APBA2: variants seen among roughly 807,000 people sequenced by gnomAD.
APBA2 encodes the protein amyloid beta precursor protein binding family A member 2, also known as amyloid-beta A4 precursor protein-binding family A member 2.
APBA2 carries 30 observed loss-of-function variants against 75.0 expected under a neutral mutation model. That is an observed-to-expected ratio of 0.40 (90% CI 0.30 to 0.54). APBA2 has a LOEUF of 0.54. Among genes scored for constraint, APBA2 ranks in the 20% least tolerant of loss-of-function variants. The pLI, the probability that APBA2 is intolerant of heterozygous loss-of-function variation, is 0.49. For synonymous variants in APBA2, 444 were observed against 409.6 expected (o/e 1.08, Z -1.01); for missense variants, 801 against 1,016.1 (o/e 0.79, Z 2.88).
chr15:28,895,091 T>C (rs545662496), intron 1 of APBA2, among the ~76,000 whole-genome samples: 78 of 152,318 alleles, frequency 5.1e-4, no homozygotes, highest in African/African-American at 1.8e-3. Context: ...CCTGTTTTTC[T>C]AAAAGAACGA....
At chr15:29,027,524 C>T (rs2040279142) in intron 3 of APBA2, among the ~76,000 whole-genome samples, 1 of 151,592 alleles carries the variant, frequency 6.6e-6, no homozygotes, top group South Asian at 2.1e-4. Flanking sequence ...CTTGATTTGT[C>T]TTATGATATG....
chr15:28,963,595 C>T (rs551601102), intron 2 of APBA2, among the ~76,000 whole-genome samples: 2 of 152,316 alleles, frequency 1.3e-5, no homozygotes, highest in South Asian at 2.1e-4. Context: ...CCACTAAACA[C>T]GGGCTATGAC....
intron 2 of APBA2, among the ~76,000 whole-genome samples, chr15:28,953,212 G>A (rs2035984528): frequency 1.3e-5 from 2 of 152,002 alleles, no homozygotes; most frequent in African/African-American, 2.4e-5. Flanking sequence ...CTCTCCTCCC[G>A]AGTTGGAAAT....
intron 4 of APBA2, among the ~76,000 whole-genome samples, chr15:29,055,191 G>C (rs1469218701): frequency 2.0e-5 from 3 of 152,184 alleles, no homozygotes; most frequent in Non-Finnish European, 4.4e-5. Flanking sequence ...TCAATCCTCA[G>C]GGGTGTACTC....
chr15:28,922,996 C>A (rs2034057952), intron 2 of APBA2, among the ~76,000 whole-genome samples: 1 of 152,180 alleles, frequency 6.6e-6, no homozygotes, highest in Non-Finnish European at 1.5e-5. Context: ...CACACCACGC[C>A]CTGTGCAGGA....
intron 1 of APBA2, among the ~76,000 whole-genome samples, chr15:28,898,769 G>T (rs535447297): frequency 6.4e-4 from 98 of 152,268 alleles, no homozygotes; most frequent in Non-Finnish European, 1.2e-4. Flanking sequence ...ATGAGTCATG[G>T]CTTCTTCTAC....
At chr15:29,082,416 A>C (rs1382905615) in intron 6 of APBA2, among the ~76,000 whole-genome samples, 1 of 152,230 alleles carries the variant, frequency 6.6e-6, no homozygotes, top group Non-Finnish European at 1.5e-5. Context: ...GCAGATTACT[A>C]GTATACAATA....
intron 4 of APBA2, among the ~76,000 whole-genome samples, chr15:29,058,676 G>A (rs151265152): frequency 1.3e-5 from 2 of 152,116 alleles, no homozygotes; most frequent in African/African-American, 2.4e-5. Context: ...AGGTCTGCCC[G>A]GGGGCTGGGA....
intron 6 of APBA2, among the ~76,000 whole-genome samples, chr15:29,088,905 CTGCACCCTAGGGCCTT>C (rs1202022818): frequency 2.0e-5 from 3 of 152,218 alleles, no homozygotes; most frequent in African/African-American, 7.2e-5. Context: ...GTCATTGTCT[CTGCACCCTAGGGCCTT>C]TGCACCTGCT....
Position 29,101,581 on chromosome 15 carries a change from C to A in APBA2, c.1339-18C>A, listed in dbSNP as rs2044125670. The stretch of plus-strand genomic sequence containing the variant: ...CCCAGTAGTGTTCCCTGACGTGGCA[C>A]TGTCTCCCTCCCGACAGGAAACCAT... On this transcript the variant is annotated intron_variant, in intron 9 of 14. Coordinates refer to ENST00000683413, the MANE Select transcript of APBA2 (RefSeq NM_001353788.2). 3.7e-6 allele frequency: 6 copies of A among 1,610,730 alleles called. No homozygotes were observed. In the Admixed American group the frequency reaches 1.0e-4, roughly 27 times the overall value.
At chr15:29,025,950 CA>C (rs60211119) in intron 3 of APBA2, among the ~76,000 whole-genome samples, 51,476 of 117,176 alleles carry the variant, frequency 0.44, 14,235 homozygotes, top group African/African-American at 0.8. Context: ...GACTCCGACT[CA>C]AAAAAAAAAA....
chr15:28,962,437 C>T (rs1477372607), intron 2 of APBA2, among the ~76,000 whole-genome samples: 2 of 151,950 alleles, frequency 1.3e-5, no homozygotes, highest in East Asian at 1.9e-4. Flanking sequence ...GGCATGGTGG[C>T]GGGCGCCTGT....
chr15:28,933,475 A>G (rs1326123689), intron 2 of APBA2, among the ~76,000 whole-genome samples: 1 of 152,128 alleles, frequency 6.6e-6, no homozygotes, highest in Non-Finnish European at 1.5e-5. Flanking sequence ...TGTCATGTAT[A>G]ATCTACCCAG....
intron 3 of APBA2, among the ~76,000 whole-genome samples, chr15:29,019,660 G>A (rs1271973863): frequency 1.3e-5 from 2 of 152,220 alleles, no homozygotes; most frequent in East Asian, 1.9e-4. Flanking sequence ...GTACACACAG[G>A]TCTATCTTAG....
chr15:28,912,928 C>T (rs2152653197), intron 1 of APBA2, among the ~76,000 whole-genome samples: 1 of 152,312 alleles, frequency 6.6e-6, no homozygotes, highest in East Asian at 1.9e-4. Flanking sequence ...CAGCAAATAC[C>T]TGTTGAATAC....
intron 1 of APBA2, among the ~76,000 whole-genome samples, chr15:28,914,872 G>A (rs1248330087): frequency 6.6e-6 from 1 of 151,846 alleles, no homozygotes; most frequent in African/African-American, 2.4e-5. Flanking sequence ...TGTGTGTCCC[G>A]GGCTGCCGGC....
intron 3 of APBA2, among the ~76,000 whole-genome samples, chr15:29,042,677 C>T (rs550016653): frequency 6.6e-6 from 1 of 152,220 alleles, no homozygotes; most frequent in East Asian, 1.9e-4. Flanking sequence ...TTTAAATCTA[C>T]ACAGTACTGT....
At chr15:29,024,649 C>T (rs1194490911) in intron 3 of APBA2, among the ~76,000 whole-genome samples, 1 of 152,154 alleles carries the variant, frequency 6.6e-6, no homozygotes, top group African/African-American at 2.4e-5. Context: ...GAATTTCAGT[C>T]CAAAGGCTTG....
intron 3 of APBA2, among the ~76,000 whole-genome samples, chr15:29,005,864 AAAATAAATAAAT>A (rs3054523): frequency 2.0e-5 from 3 of 151,320 alleles, no homozygotes; most frequent in Middle Eastern, 3.2e-3. Flanking sequence ...ACTCTGTCTC[AAAATAAATAAAT>A]AAATAAATAA....
Sources: gnomAD v4.1 joint callset for allele counts (sites outside exome capture counted in the v4.1 genomes callset) on GRCh38, gnomAD v4.1.1 for gene constraint, MANE v1.5 for transcripts, NCBI Gene and HGNC (gene_info 2026-07-23, HGNC 2026-07-21) for gene names.